Variants in ROBO4 observed in about 807,000 individuals in gnomAD.
ROBO4 encodes the protein roundabout homolog 4.
Under a neutral mutation model 103.3 loss-of-function variants are expected in ROBO4, and 80 were observed. The observed-to-expected ratio is 0.77, with a 90% CI of 0.65 to 0.93. ROBO4 has a LOEUF of 0.93. Among genes scored for constraint, ROBO4 ranks in the 40% least tolerant of loss-of-function variants. ROBO4 has a pLI of 0.00. For missense variants in ROBO4, 1,333 were observed against 1,305.3 expected, an observed-to-expected ratio of 1.02 and a Z score of -0.33; for synonymous variants, 504 against 529.7, an observed-to-expected ratio of 0.95 and a Z score of 0.67.
chr11:124,894,351 TGTTGCCCAGGCTCCAGACCTGAGGC>T lies in ROBO4; in HGVS notation c.1150-7_1167del. On this transcript the variant is annotated splice_acceptor_variant and splice_polypyrimidine_tract_variant and coding_sequence_variant and intron_variant, in exon 8 of 18. Coordinates refer to ENST00000306534, the MANE Select transcript of ROBO4 (RefSeq NM_019055.6). LOFTEE classifies it high-confidence loss of function. ...GTCCAGTTGGCTGGTGGCAGTGATGTGTTGCCCAGGCTCCAGACCTGAGGCACAAGCAGAGGTGAACAGCTTCCCC... is the reference window on the plus strand; with the variant it reads ...GTCCAGTTGGCTGGTGGCAGTGATGTACAAGCAGAGGTGAACAGCTTCCCC... 1 of 1,613,284 alleles carries T rather than the reference TGTTGCCCAGGCTCCAGACCTGAGGC, an allele frequency of 6.2e-7. No individual in the cohort carries two copies. Among genetic ancestry groups the T allele is most frequent in the Non-Finnish European group, 8.5e-7 (1 of 1,179,846 alleles).
intron 8 of ROBO4, 47 bp downstream of exon 8, chr11:124,894,154 G>A (rs67478674): frequency 3.2e-5 from 51 of 1,569,270 alleles, no homozygotes; most frequent in Non-Finnish European, 3.8e-5. Context: ...AGAGGAAGGC[G>A]GGATGCAGGC....
At position 124,887,085 on chromosome 11, in the gene ROBO4, C is replaced by G. The variant is rs144947842; in HGVS notation, c.2327G>C (p.Arg776Pro). The G allele has an allele frequency of 1.1e-5, 17 of 1,613,344 alleles. No homozygotes were observed. In the Admixed American group the frequency reaches 2.7e-4, roughly 25 times the overall value. ...GGATGACAGTGAGGAGCTGGACAGG[C>G]GACTGGAAGCTGGGCTGGGGCCAGA... ...SLSGPSPASS[R>P]LSSSSLSSLG... The change falls in exon 15 of 18, where the codon CGC (arginine) becomes CCC (proline). Residue 776 changes from arginine to proline, a missense_variant. Arg to Pro is a moderately radical substitution (Grantham distance 103). Coordinates refer to ENST00000306534, the MANE Select transcript of ROBO4 (RefSeq NM_019055.6).
chr11:124,884,865 C>T lies in ROBO4; in HGVS notation c.*26G>A, dbSNP rs140603981. 18,579 of 1,613,986 alleles carry T rather than the reference C, an allele frequency of 0.012. 141 individuals are homozygous for T. The highest frequency in any genetic ancestry group is 0.014 in the Non-Finnish European group (16,227 of 1,179,842). ...GGACAGGAGAAGTGGTTCTGATTCCCGTCTGGGAAGTCTCAGGGACACGGT... is the reference window on the plus strand; with the variant it reads ...GGACAGGAGAAGTGGTTCTGATTCCTGTCTGGGAAGTCTCAGGGACACGGT... On this transcript the variant is annotated 3_prime_UTR_variant, in exon 18 of 18. Coordinates refer to ENST00000306534, the MANE Select transcript of ROBO4 (RefSeq NM_019055.6).
chr11:124,892,957 C>G (rs1946822249), intron 10 of ROBO4: 1 of 152,750 alleles, frequency 6.5e-6, no homozygotes, highest in African/African-American at 2.4e-5. Context: ...AATGGCAGCT[C>G]TAGGCCTGGA....
At chr11:124,892,209 A>G (rs751873813) in intron 10 of ROBO4, 7 of 376,404 alleles carry the variant, frequency 1.9e-5, no homozygotes, top group Admixed American at 3.4e-5. Flanking sequence ...TGATGGCAAT[A>G]GGGCCTTCCA....
chr11:124,890,870 T>C (rs1296648864), intron 12 of ROBO4, among the ~76,000 whole-genome samples: 1 of 152,244 alleles, frequency 6.6e-6, no homozygotes, highest in Non-Finnish European at 1.5e-5. Flanking sequence ...CCTGAGGCTT[T>C]GTGCCAGCAC....
chr11:124,885,033 A>C lies in ROBO4; in HGVS notation c.3001+8T>G, dbSNP rs766917017. On this transcript the variant is annotated splice_region_variant and intron_variant, in intron 17 of 17. Coordinates refer to ENST00000306534, the MANE Select transcript of ROBO4 (RefSeq NM_019055.6). ...ATGAACACATTAGCCAGGAAGACAG[A>C]CACTCACCACCAGCCTTGGGCATAC... The C allele has an allele frequency of 3.0e-5, 49 of 1,613,908 alleles. No homozygotes were observed. Among genetic ancestry groups the C allele is most frequent in the Non-Finnish European group, 8.5e-7 (1 of 1,179,920 alleles).
Position 124,891,371 on chromosome 11 carries a change from T to G in ROBO4, c.1876A>C (p.Ser626Arg), listed in dbSNP as rs767880271. The G allele has an allele frequency of 6.4e-7, 1 of 1,553,134 alleles. No homozygotes were observed. Among genetic ancestry groups the G allele is most frequent in the East Asian group, 2.3e-5 (1 of 44,412 alleles). ...SPCSSSDSLC[S>R]RRGLSSPRLS... Reference sequence around the variant, plus strand: ...CGGGGAGAAGAGAGTCCCCTGCGGCTGCAGAGGCTGTCTGAGCTGGAACAG... The same window carrying G: ...CGGGGAGAAGAGAGTCCCCTGCGGCGGCAGAGGCTGTCTGAGCTGGAACAG... Residue 626 changes from serine to arginine, a missense_variant, in exon 12 of 18, where the codon AGC (serine) becomes CGC (arginine). Transcript: ENST00000306534.
In ROBO4 at chr11:124,888,474, T is replaced by A. The variant is rs996727357; in HGVS notation, c.1949-634A>T. The stretch of plus-strand genomic sequence containing the variant: ...ACAGGGATCGACACACAATGTTGGC[T>A]GTGACAGGAGACAGTCAGCTAATAG... On this transcript the variant is annotated intron_variant, in intron 12 of 17. Transcript: ENST00000306534. Among the ~76,000 whole-genome samples, 23 of 152,354 alleles carry A rather than the reference T, an allele frequency of 1.5e-4. No homozygotes were observed. The East Asian group carries it at 3.3e-3, about 22-fold the overall frequency.
In ROBO4 at chr11:124,897,242, G is replaced by C; in HGVS notation, c.90C>G (p.Ser30=). 1 of 1,453,354 alleles carries C rather than the reference G, an allele frequency of 6.9e-7. No individual in the cohort carries two copies. The highest frequency in any genetic ancestry group is 1.4e-5 in the African/African-American group (1 of 70,370). 90.0% of individuals were successfully genotyped at this position (1,453,354 alleles called of 1,614,324 possible). Residue 30 remains serine (S), a synonymous_variant, in exon 2 of 18, where the codon TCC becomes TCG. Coordinates refer to ENST00000306534, the MANE Select transcript of ROBO4 (RefSeq NM_019055.6). ...GGGGGTGGACTAGGATCTGGGGCGG[G>C]GAGTCCTGAGCCATGCCTCCTGGGA... The part of the protein sequence containing the change: ...LLIMGGMAQD[S]PPQILVHPQD...
intron 10 of ROBO4, chr11:124,892,384 C>T (rs1371113143): frequency 1.2e-5 from 3 of 255,432 alleles, no homozygotes; most frequent in African/African-American, 6.7e-5. Context: ...AATGGCCCCT[C>T]ATTTACCATG....
Position 124,887,044 on chromosome 11 carries a change from C to T in ROBO4, c.2368G>A (p.Asp790Asn), listed in dbSNP as rs748033288. ...SSLSSLGEDQ[D>N]SVLTPEEVAL... ...ACCTCCTCAGGGGTCAGCACGCTGTCTTGATCCTCCCCCAGGGATGACAGT... is the reference window on the plus strand; with the variant it reads ...ACCTCCTCAGGGGTCAGCACGCTGTTTTGATCCTCCCCCAGGGATGACAGT... The change falls in exon 15 of 18, where the codon GAC becomes AAC. Residue 790 changes from aspartate (D) to asparagine (N), a missense_variant. Physicochemically the swap from Asp to Asn is conservative, Grantham distance 23. Transcript: ENST00000306534. 1.4e-5 allele frequency: 23 copies of T among 1,613,868 alleles called. No homozygotes were observed. Among genetic ancestry groups the T allele is most frequent in the Non-Finnish European group, 1.9e-5 (23 of 1,179,932 alleles).
In ROBO4 at chr11:124,886,486, C is replaced by A. The variant is rs374357392; in HGVS notation, c.2772G>T (p.Arg924Ser). The change falls in exon 16 of 18, where the codon AGG (arginine) becomes AGT (serine). Residue 924 changes from arginine to serine, a missense_variant. By Grantham distance (110) the Arg-to-Ser change is moderately radical. Coordinates refer to ENST00000306534, the MANE Select transcript of ROBO4 (RefSeq NM_019055.6). ...VDSFGFGLEPREADCVFIDAS... is the reference protein window; with the variant it reads ...VDSFGFGLEPSEADCVFIDAS... The stretch of plus-strand genomic sequence containing the variant: ...TACCTATGAAGACGCAGTCTGCCTC[C>A]CTGGGCTCTAGACCGAAACCAAAGC... The A allele has an allele frequency of 1.0e-4, 165 of 1,613,830 alleles. No homozygotes were observed. Among genetic ancestry groups the A allele is most frequent in the Non-Finnish European group, 1.4e-4 (162 of 1,179,846 alleles).
chr11:124,886,413 T>G (rs776041909), intron 16 of ROBO4, 51 bp downstream of exon 16: 1 of 1,398,394 alleles, frequency 7.2e-7, no homozygotes, highest in African/African-American at 1.4e-5. Flanking sequence ...TAACAGTTGT[T>G]AGAAAGGCAA....
rs537736034 is a variant in ROBO4 at position 124,891,301 on chromosome 11, T to G, written c.1946A>C (p.Gln649Pro). ...ATGTCTATTCTCCCCCTCCTTACCC[T>G]GCTTCTTTTTGGCCTTCCAAGCCTC... ...PAEAWKAKKKQELQHANSSPL... is the reference protein window; with the variant it reads ...PAEAWKAKKKPELQHANSSPL... Residue 649 changes from glutamine to proline, a missense_variant and splice_region_variant, in exon 12 of 18, where the codon CAG becomes CCG. Physicochemically the swap from Gln to Pro is moderately conservative, Grantham distance 76. Transcript: ENST00000306534. 1 of 1,517,600 alleles carries G rather than the reference T, an allele frequency of 6.6e-7. No individual in the cohort carries two copies. The highest frequency in any genetic ancestry group is 2.3e-5 in the East Asian group (1 of 44,032). The allele number at this position is 1,517,600 out of a possible 1,614,324, so 94.0% of individuals were successfully genotyped here.
chr11:124,884,700 A>T lies in ROBO4; in HGVS notation c.*191T>A. The stretch of plus-strand genomic sequence containing the variant: ...TGATGTTTTGCTCCCTGAGGGCTCC[A>T]GGTCAGCTTTGCTCTAATTTTGTTT... On this transcript the variant is annotated 3_prime_UTR_variant, in exon 18 of 18. Coordinates refer to ENST00000306534, the MANE Select transcript of ROBO4 (RefSeq NM_019055.6). 1.5e-6 allele frequency: 1 copy of T among 654,496 alleles called. No homozygotes were observed. Among genetic ancestry groups the T allele is most frequent in the Non-Finnish European group, 2.7e-6 (1 of 369,826 alleles). 40.5% of individuals were successfully genotyped at this position (654,496 alleles called of 1,614,324 possible).
In ROBO4 at chr11:124,891,808, G is replaced by A. The variant is rs906804509; in HGVS notation, c.1548-6C>T. The A allele has an allele frequency of 6.2e-7, 1 of 1,613,984 alleles. No individual in the cohort carries two copies. The highest frequency in any genetic ancestry group is 1.3e-5 in the African/African-American group (1 of 75,040). ...GGGAGTCACTGTGATCCATCCTGGG[G>A]CAGTGGAGGGAGGGGGTGAGGCCAG... On this transcript the variant is annotated splice_polypyrimidine_tract_variant and splice_region_variant and intron_variant, in intron 10 of 17. Coordinates refer to ENST00000306534, the MANE Select transcript of ROBO4 (RefSeq NM_019055.6).
rs556997209 is a variant in ROBO4 at position 124,891,954 on chromosome 11, T to G, written c.1548-152A>C. ...GCTTTTCAGCTTTTCACAGACTCCT[T>G]AAGATCTCTGACCTGGTCCCCTAAA... On this transcript the variant is annotated intron_variant, in intron 10 of 17. Transcript: ENST00000306534. The G allele has an allele frequency of 1.2e-5, 11 of 900,154 alleles. No homozygotes were observed. The South Asian group carries it at 1.6e-4, about 13-fold the overall frequency. The allele number at this position is 900,154 out of a possible 1,614,324, so 55.8% of individuals were successfully genotyped here. A position where few individuals can be genotyped will look rare whatever the true frequency, so the allele number is the denominator to read the frequency against.
At position 124,885,131 on chromosome 11, in the gene ROBO4, G is replaced by A. The variant is rs774960443; in HGVS notation, c.2911C>T (p.Arg971Trp). 3.1e-6 allele frequency: 5 copies of A among 1,614,022 alleles called. No homozygotes were observed. The highest frequency in any genetic ancestry group is 4.5e-5 in the East Asian group (2 of 44,878). The stretch of plus-strand genomic sequence containing the variant: ...CAGGGAGGCATCCCCCTTCCCAGCC[G>A]CTGGGTGTGGCTGACCTCCATGTCT... ...LEDMEVSHTQ[R>W]LGRGMPPWPP... is the part of the protein sequence containing the mutation. The change falls in exon 17 of 18, where the codon CGG (arginine) becomes TGG (tryptophan). Residue 971 changes from arginine (R) to tryptophan (W), a missense_variant. Coordinates refer to ENST00000306534, the MANE Select transcript of ROBO4 (RefSeq NM_019055.6).
Sources: allele counts gnomAD v4.1 joint callset (sites outside exome capture counted in the v4.1 genomes callset), GRCh38; gene constraint gnomAD v4.1.1; transcripts MANE v1.5; gene names NCBI Gene and HGNC (gene_info 2026-07-23, HGNC 2026-07-21).